The following SPATA22 variants were observed in gnomAD, a reference collection of about 807,000 sequenced individuals.
SPATA22 encodes the protein spermatogenesis-associated protein 22.
A neutral mutation model predicts 47.8 loss-of-function variants in SPATA22; 29 were observed. The observed-to-expected ratio is 0.61, with a 90% CI of 0.45 to 0.83. The LOEUF is 0.83. Ranked by LOEUF, SPATA22 falls within the 40% of genes least tolerant of loss-of-function variation. SPATA22 has a pLI of 0.00. For missense variants in SPATA22, 410 were observed against 421.7 expected (o/e 0.97, Z 0.24); for synonymous variants, 133 against 140.9 (o/e 0.94, Z 0.40).
intron 1 of SPATA22, chr17:3,503,043 G>A (rs1567622236): frequency 6.6e-6 from 1 of 152,194 alleles, no homozygotes; most frequent in Non-Finnish European, 1.5e-5. Flanking sequence ...ACCTTCTGCT[G>A]GACGCCGCCC....
In SPATA22 at chr17:3,483,605, TC is replaced by T. The variant is rs757010194; in HGVS notation, c.-73-14208del. On this transcript the variant is annotated intron_variant, in intron 1 of 8. Transcript: ENST00000541913. The stretch of plus-strand genomic sequence containing the variant: ...AAGTATCCTGTGGGTAAGTCATAGT[TC>T]CCACTGTCATAACTCAATAAAATAT... 2 of 1,583,210 alleles carry T rather than the reference TC, an allele frequency of 1.3e-6. No homozygotes were observed. Among genetic ancestry groups the T allele is most frequent in the East Asian group, 2.2e-5 (1 of 44,750 alleles).
intron 7 of SPATA22, 148 bp downstream of exon 7, chr17:3,446,324 G>A (rs1221680291): frequency 4.8e-6 from 3 of 622,006 alleles, no homozygotes; most frequent in South Asian, 5.2e-5. Context: ...ATCTACCACA[G>A]GGACTATTAT....
rs778047424 is a variant in SPATA22 at position 3,448,905 on chromosome 17, C to A, written c.574G>T (p.Asp192Tyr). The A allele has an allele frequency of 5.0e-6, 8 of 1,613,970 alleles. No individual in the cohort carries two copies. The South Asian group carries it at 8.8e-5, about 18-fold the overall frequency. Residue 192 changes from aspartate to tyrosine, a missense_variant, in exon 6 of 9, where the codon GAC becomes TAC. Coordinates refer to ENST00000572969, the MANE Select transcript of SPATA22 (RefSeq NM_001170698.2). ...KISGCTMRGLDKNSALQTLKP... is the reference protein window; with the variant it reads ...KISGCTMRGLYKNSALQTLKP... ...AGTGTCTGTAGTGCACTGTTTTTGT[C>A]TAGCCCTCTCATTGTGCAGCCAGAT...
In SPATA22 at chr17:3,487,040, T is replaced by TTG. The variant is rs139476666; in HGVS notation, c.-73-17644_-73-17643dup. 6.5e-3 allele frequency among the ~76,000 whole-genome samples: 975 copies of TTG among 148,952 alleles called. 8 individuals carry two copies. Among genetic ancestry groups the TTG allele is most frequent in the African/African-American group, 0.02 (802 of 40,340 alleles). On this transcript the variant is annotated intron_variant, in intron 1 of 8. Transcript: ENST00000541913. ...GCTGTGTCCAGTCGCTTTCCCATAT[T>TTG]TGTGTGTGTGTGTGTGTTTATGTGT...
intron 5 of SPATA22, among the ~76,000 whole-genome samples, chr17:3,458,480 T>G (rs1044368306): frequency 6.6e-6 from 1 of 152,128 alleles, no homozygotes; most frequent in Non-Finnish European, 1.5e-5. Context: ...TGGATGTATA[T>G]CCAAAGGAAA....
chr17:3,489,288 C>T lies in SPATA22; in HGVS notation c.-73-19890G>A, dbSNP rs1482032907. ...GGTTCTGAGAGCTGATATCTTGGAT[C>T]AAATGAGAAAAATGATTAAACATGC... On this transcript the variant is annotated intron_variant, in intron 1 of 8. Transcript: ENST00000541913. 6.2e-7 allele frequency: 1 copy of T among 1,613,174 alleles called. No homozygotes were observed. The highest frequency in any genetic ancestry group is 1.7e-5 in the Admixed American group (1 of 59,990).
chr17:3,513,618 TG>T (rs2074142390), exon 1 of SPATA22: 1 of 300,396 alleles, frequency 3.3e-6, no homozygotes, highest in South Asian at 9.3e-5. Flanking sequence ...GACCTGCAAT[TG>T]GTAAAACCAG....
rs1285736047 is a variant in SPATA22 at position 3,462,502 on chromosome 17, T to C, written c.310A>G (p.Arg104Gly). 1 of 1,606,806 alleles carries C rather than the reference T, an allele frequency of 6.2e-7. No individual in the cohort carries two copies. The highest frequency in any genetic ancestry group is 8.5e-7 in the Non-Finnish European group (1 of 1,178,082). Residue 104 changes from arginine to glycine, a missense_variant, in exon 5 of 9, where the codon AGA (arginine) becomes GGA (glycine). By Grantham distance (125) the Arg-to-Gly change is moderately radical. Transcript: ENST00000572969. ...ACTCACCTCCAACCACCCTGGCTTC[T>C]TCCAGTATTTGATTGAATAGAGTTA... ...VFNSIQSNTG[R>G]SQGGWSYRDG...
chr17:3,462,515 T>C lies in SPATA22; in HGVS notation c.297A>G (p.Gln99=), dbSNP rs577275991. The change falls in exon 5 of 9, where the codon CAA becomes CAG. Residue 99 remains glutamine, a synonymous_variant. Coordinates refer to ENST00000572969, the MANE Select transcript of SPATA22 (RefSeq NM_001170698.2). ...CACCCTGGCTTCTTCCAGTATTTGA[T>C]TGAATAGAGTTAAAGACAGAATCTT... ...RSQDSVFNSI[Q]SNTGRSQGGW... 3.8e-5 allele frequency: 61 copies of C among 1,610,718 alleles called. 1 individual carries two copies. The highest frequency in any genetic ancestry group is 1.0e-4 in the South Asian group (9 of 90,004).
intron 1 of SPATA22, among the ~76,000 whole-genome samples, chr17:3,506,303 C>T (rs939736652): frequency 3.3e-5 from 5 of 152,078 alleles, no homozygotes; most frequent in Admixed American, 6.5e-5. Flanking sequence ...CAGGGAGGTA[C>T]CTGCACACAC....
chr17:3,466,245 TATTA>T (rs2073311248), intron 3 of SPATA22, among the ~76,000 whole-genome samples: 1 of 151,390 alleles, frequency 6.6e-6, no homozygotes, highest in African/African-American at 2.4e-5. Flanking sequence ...TATAAGATCC[TATTA>T]ATTTTTAAAA....
At chr17:3,498,788 A>G in intron 1 of SPATA22, 1 of 1,159,976 alleles carries the variant, frequency 8.6e-7, no homozygotes, top group Non-Finnish European at 1.2e-6. Flanking sequence ...ATCTCTTTTA[A>G]AACAACAGAA....
intron 1 of SPATA22, among the ~76,000 whole-genome samples, chr17:3,494,774 G>A (rs988624001): frequency 4.6e-5 from 7 of 152,316 alleles, no homozygotes; most frequent in African/African-American, 1.2e-4. Context: ...AGATGGGAGA[G>A]GAGTGGTCAG....
chr17:3,503,999 A>G (rs8065143), intron 1 of SPATA22, among the ~76,000 whole-genome samples: 138,779 of 152,012 alleles, frequency 0.91, 63,981 homozygotes, highest in Non-Finnish European at 0.98. Flanking sequence ...CCCTACACTC[A>G]TCTCCCTTTG....
At chr17:3,484,060 C>T (rs8071141) in intron 1 of SPATA22, among the ~76,000 whole-genome samples, 8,365 of 152,186 alleles carry the variant, frequency 0.055, 434 homozygotes, top group African/African-American at 0.13. Flanking sequence ...CTAATTGTAC[C>T]GAATTTCCCC....
intron 1 of SPATA22, 120 bp downstream of exon 1, chr17:3,471,562 C>T (rs563678248): frequency 2.6e-4 from 254 of 985,200 alleles, no homozygotes; most frequent in Non-Finnish European, 3.0e-4. Context: ...CCTCAAATGG[C>T]GGCCTGTTTT....
chr17:3,489,459 T>G, intron 1 of SPATA22: 1 of 821,234 alleles, frequency 1.2e-6, no homozygotes, highest in South Asian at 1.5e-5. Context: ...AAATTTTTAT[T>G]CACTTCAGCT....
rs927152622 is a variant in SPATA22, at chr17:3,488,810, A to C, written c.-73-19412T>G. On this transcript the variant is annotated intron_variant, in intron 1 of 8. Coordinates refer to the SPATA22 transcript ENST00000541913. The surrounding 1 kb of genome is among the most constrained non-coding windows in gnomAD (Gnocchi z 6.1). The stretch of plus-strand genomic sequence containing the variant: ...CTGGATTTCTGTGAAATCTATAAAA[A>C]TAGATGTCCTTCCTCCCGTCACAGC... 1.3e-5 allele frequency among the ~76,000 whole-genome samples: 2 copies of C among 152,220 alleles called. No individual in the cohort carries two copies. Among genetic ancestry groups the C allele is most frequent in the African/African-American group, 4.8e-5 (2 of 41,464 alleles).
chr17:3,463,894 T>G (rs1013385796), intron 3 of SPATA22, among the ~76,000 whole-genome samples: 1 of 151,450 alleles, frequency 6.6e-6, no homozygotes, highest in African/African-American at 2.4e-5. Context: ...GACAAACATT[T>G]TAAAAAAACA....
Sources: gnomAD v4.1 joint callset for allele counts (sites outside exome capture counted in the v4.1 genomes callset) on GRCh38, gnomAD v4.1.1 for gene constraint, Gnocchi (gnomAD v3.1) non-coding constraint, MANE v1.5 for transcripts, NCBI Gene and HGNC (gene_info 2026-07-23, HGNC 2026-07-21) for gene names.